PLXNB1: variants seen among roughly 807,000 people sequenced by gnomAD.
PLXNB1 encodes the protein plexin-B1.
A neutral mutation model predicts 209.4 loss-of-function variants in PLXNB1; 106 were observed. The observed-to-expected ratio is 0.51, with a 90% CI of 0.43 to 0.59. The LOEUF (loss-of-function observed/expected upper bound fraction) is 0.59. PLXNB1 is among the 20% of genes least tolerant of loss of function. The probability of loss-of-function intolerance (pLI) is 0.00; values close to 1 mark genes in which losing one functional copy is unlikely to be tolerated. For synonymous variants in PLXNB1, 1,167 were observed against 1,183.2 expected (o/e 0.99, Z 0.28); for missense variants, 2,357 against 2,853.2 (o/e 0.83, Z 3.96).
chr3:48,408,014 GTTT>G (rs1362170690), intron 34 of PLXNB1, among the ~76,000 whole-genome samples: 1 of 152,146 alleles, frequency 6.6e-6, no homozygotes. Context: ...TTCCGTTTTT[GTTT>G]TTGTTTTCAG....
At chr3:48,428,789 T>C (rs1028565164) in intron 1 of PLXNB1, among the ~76,000 whole-genome samples, 1 of 152,078 alleles carries the variant, frequency 6.6e-6, no homozygotes, top group African/African-American at 2.4e-5. Context: ...CCACTTAATA[T>C]GTCTGTGTGT....
rs1412190400 is a variant in PLXNB1 at position 48,417,485 on chromosome 3, G to A, written c.3374+426C>T. ...CTCGGCCAGTGTGCCTTTCTGAGGTGTGCCTTCCAAGTCTACCTTCCTGAA... is the reference window on the plus strand; with the variant it reads ...CTCGGCCAGTGTGCCTTTCTGAGGTATGCCTTCCAAGTCTACCTTCCTGAA... On this transcript the variant is annotated intron_variant, in intron 16 of 37. Transcript: ENST00000296440. The surrounding 1 kb of genome is among the most constrained non-coding windows in gnomAD (Gnocchi z 4.4). Among the ~76,000 whole-genome samples, 1 of 152,226 alleles carries A rather than the reference G, an allele frequency of 6.6e-6. No homozygotes were observed. Among genetic ancestry groups the A allele is most frequent in the Non-Finnish European group, 1.5e-5 (1 of 68,046 alleles).
Position 48,421,285 on chromosome 3 carries a change from C to G in PLXNB1, c.1753G>C (p.Gly585Arg). Residue 585 changes from glycine to arginine, a missense_variant, in exon 8 of 38, where the codon GGT (glycine) becomes CGT (arginine). Gly to Arg is a moderately radical substitution (Grantham distance 125, BLOSUM62 -2). This residue lies in a region of PLXNB1 where 214 missense variants were observed against 297.1 expected (regional missense o/e 0.72). Transcript: ENST00000296440. ...GGGTCTGGGGAGGGGCACATCACAC[C>G]AGAACCAGTCAGCAGGGCAGGACTC... ...HQSPALLTGS[G>R]VMCPSPDPSE... is the part of the protein sequence containing the mutation. 6.2e-7 allele frequency: 1 copy of G among 1,610,228 alleles called. No individual in the cohort carries two copies.
chr3:48,423,663 C>T lies in PLXNB1; in HGVS notation c.949G>A (p.Gly317Arg), dbSNP rs368760694. ...RPPSAAAGAS[G>R]ASALCAFPLD... ...GGGAAGGCACAGAGGGCAGAGGCTCCAGATGCCCCAGCAGCCGCCGATGGG... is the reference window on the plus strand; with the variant it reads ...GGGAAGGCACAGAGGGCAGAGGCTCTAGATGCCCCAGCAGCCGCCGATGGG... Residue 317 changes from glycine (G) to arginine (R), a missense_variant, in exon 3 of 38, where the codon GGA (glycine) becomes AGA (arginine). By Grantham distance (125) the Gly-to-Arg change is moderately radical. Transcript: ENST00000296440. 56 of 1,613,700 alleles carry T rather than the reference C, an allele frequency of 3.5e-5. No homozygotes were observed. Among genetic ancestry groups the T allele is most frequent in the Admixed American group, 1.7e-4 (10 of 60,032 alleles).
chr3:48,425,406 C>G (rs1409377144), intron 1 of PLXNB1, 73 bp from the exon 2 acceptor site: 1 of 152,138 alleles, frequency 6.6e-6, no homozygotes, highest in Non-Finnish European at 1.5e-5. Context: ...GGCTCCCCAC[C>G]GGGGAGGCAG....
Position 48,423,975 on chromosome 3 carries a change from C to T in PLXNB1, c.637G>A (p.Glu213Lys), listed in dbSNP as rs1181925738. The stretch of plus-strand genomic sequence containing the variant: ...GCACTCACGAAGTGGTGGCTGTACT[C>T]GGAGAGGCGGCCCACTGCCAGCTTG... ...TAKLAVGRLS[E>K]YSHHFVSAFA... The change falls in exon 3 of 38, where the codon GAG becomes AAG. Residue 213 changes from glutamate to lysine, a missense_variant. Physicochemically the swap from Glu to Lys is moderately conservative, Grantham distance 56. This residue lies in a region of PLXNB1 where 404 missense variants were observed against 443.6 expected (regional missense o/e 0.91). Transcript: ENST00000296440. The T allele has an allele frequency of 5.0e-6, 8 of 1,613,568 alleles. No homozygotes were observed. Among genetic ancestry groups the T allele is most frequent in the African/African-American group, 1.3e-5 (1 of 74,942 alleles).
In PLXNB1 at chr3:48,412,790, C is replaced by A. The variant is rs887106682; in HGVS notation, c.4806G>T (p.Gly1602=). 6 of 1,613,532 alleles carry A rather than the reference C, an allele frequency of 3.7e-6. No homozygotes were observed. The African/African-American group carries it at 6.7e-5, about 18-fold the overall frequency. Residue 1602 remains glycine (G), a synonymous_variant, in exon 25 of 38, where the codon GGG becomes GGT. Transcript: ENST00000296440. ...PESRRPTVEQ[G]LGQLSNLLNS... is the part of the protein sequence containing the mutation. Reference sequence around the variant, plus strand: ...TGAGCAGGTTAGAGAGCTGCCCCAGCCCTTGCTCCACAGTGGGCCGTCTGC... The same window carrying A: ...TGAGCAGGTTAGAGAGCTGCCCCAGACCTTGCTCCACAGTGGGCCGTCTGC...
At position 48,415,997 on chromosome 3, in the gene PLXNB1, A is replaced by G. The variant is rs371961781; in HGVS notation, c.3617+34T>C. On this transcript the variant is annotated intron_variant, in intron 18 of 37. Coordinates refer to ENST00000296440, the MANE Select transcript of PLXNB1 (RefSeq NM_001130082.3). The surrounding 1 kb of genome is among the most constrained non-coding windows in gnomAD (Gnocchi z 5.0). ...CCCCTCCATCTTTCCCCTGGAGCAG[A>G]TGGATTTTTGCAGGATGAGGAAGTG... 1.9e-6 allele frequency: 3 copies of G among 1,589,852 alleles called. No individual in the cohort carries two copies. In the African/African-American group the frequency reaches 4.0e-5, roughly 21 times the overall value.
At position 48,416,748 on chromosome 3, in the gene PLXNB1, G is replaced by A; in HGVS notation, c.3375-297C>T. ...AAAGGGGCCCTGTCAGCCTGGTTGTGGGGCGAGCTGCTGAGCAAGTGAGTG... is the reference window on the plus strand; with the variant it reads ...AAAGGGGCCCTGTCAGCCTGGTTGTAGGGCGAGCTGCTGAGCAAGTGAGTG... On this transcript the variant is annotated intron_variant, in intron 16 of 37. Coordinates refer to ENST00000296440, the MANE Select transcript of PLXNB1 (RefSeq NM_001130082.3). This position sits in a 1 kb window ranked among gnomAD's most constrained non-coding sequence, Gnocchi z 4.1. 1 of 267,916 alleles carries A rather than the reference G, an allele frequency of 3.7e-6. No individual in the cohort carries two copies. Among genetic ancestry groups the A allele is most frequent in the Non-Finnish European group, 7.0e-6 (1 of 143,364 alleles). The allele number at this position is 267,916 out of a possible 1,614,324, so 16.6% of individuals were successfully genotyped here. A position where few individuals can be genotyped will look rare whatever the true frequency, so the allele number is the denominator to read the frequency against.
At position 48,415,244 on chromosome 3, in the gene PLXNB1, G is replaced by C. The variant is rs1041744329; in HGVS notation, c.3898C>G (p.Leu1300Val). 1 of 1,613,558 alleles carries C rather than the reference G, an allele frequency of 6.2e-7. No individual in the cohort carries two copies. The highest frequency in any genetic ancestry group is 1.7e-5 in the Admixed American group (1 of 60,026). The change falls in exon 20 of 38, where the codon CTT becomes GTT. Residue 1300 changes from leucine (L) to valine (V), a missense_variant. This residue lies in a region of PLXNB1 where 743 missense variants were observed against 896.2 expected (regional missense o/e 0.83). Coordinates refer to ENST00000296440, the MANE Select transcript of PLXNB1 (RefSeq NM_001130082.3). The surrounding 1 kb of genome is among the most constrained non-coding windows in gnomAD (Gnocchi z 5.0). The part of the protein sequence containing the change: ...VSRMLQPSQG[L>V]GRRRRVVPET... ...GGGACCACGCGACGCCTCCGTCCAA[G>C]CCCCTGGCTGGGCTGCAGCATTCTC...
rs573015902 is a variant in PLXNB1, at chr3:48,406,491, T to C, written c.6228+332A>G. ...ATGGGAGAGGTGAAGGGGACACCTG[T>C]GCCACCAAGGGAAGCACAGCAGTGG... On this transcript the variant is annotated intron_variant, in intron 36 of 37. Transcript: ENST00000296440. The surrounding 1 kb of genome is among the most constrained non-coding windows in gnomAD (Gnocchi z 4.4). 59 of 785,850 alleles carry C rather than the reference T, an allele frequency of 7.5e-5. No homozygotes were observed. The African/African-American group carries it at 9.7e-4, about 13-fold the overall frequency. 48.7% of individuals were successfully genotyped at this position (785,850 alleles called of 1,614,324 possible).
Position 48,412,548 on chromosome 3 carries a change from C to T in PLXNB1, c.4927G>A (p.Val1643Met). ...DRAYVASLLT[V>M]ALHGKLEYFT... is the part of the protein sequence containing the mutation. ...TACTCAAGCTTCCCATGCAGTGCCA[C>T]GGTGAGCAGAGATGCCACGTAGGCA... Residue 1643 changes from valine (V) to methionine (M), a missense_variant, in exon 26 of 38, where the codon GTG becomes ATG. Val to Met is a conservative substitution (Grantham distance 21). This residue lies in a region of PLXNB1 where 743 missense variants were observed against 896.2 expected (regional missense o/e 0.83). Transcript: ENST00000296440. 3 of 1,613,648 alleles carry T rather than the reference C, an allele frequency of 1.9e-6. No individual in the cohort carries two copies. Among genetic ancestry groups the T allele is most frequent in the Non-Finnish European group, 2.5e-6 (3 of 1,180,030 alleles).
chr3:48,420,589 C>A, intron 10 of PLXNB1, 76 bp downstream of exon 10: 1 of 1,199,668 alleles, frequency 8.3e-7, no homozygotes, highest in African/African-American at 1.5e-5. Context: ...GGCAGACAGA[C>A]CCCGGGCCAT....
rs2037570589 is a variant in PLXNB1 at position 48,410,092 on chromosome 3, C to T, written c.5606-15G>A. On this transcript the variant is annotated splice_polypyrimidine_tract_variant and intron_variant, in intron 31 of 37. Transcript: ENST00000296440. This position sits in a 1 kb window ranked among gnomAD's most constrained non-coding sequence, Gnocchi z 6.4. Reference sequence around the variant, plus strand: ...CATTGGGGTCCCTGTGCCAAGAGCCCACAGCTGTCACCCCTCCCCAGGTGC... The same window carrying T: ...CATTGGGGTCCCTGTGCCAAGAGCCTACAGCTGTCACCCCTCCCCAGGTGC... The T allele has an allele frequency of 6.4e-7, 1 of 1,563,754 alleles. No homozygotes were observed. Among genetic ancestry groups the T allele is most frequent in the Non-Finnish European group, 8.7e-7 (1 of 1,150,690 alleles).
Position 48,409,982 on chromosome 3 carries a change from C to T in PLXNB1, c.5701G>A (p.Gly1901Ser), listed in dbSNP as rs531390276. The T allele has an allele frequency of 3.7e-6, 6 of 1,612,676 alleles. No individual in the cohort carries two copies. The East Asian group carries it at 8.9e-5, about 24-fold the overall frequency. Residue 1901 changes from glycine (G) to serine (S), a missense_variant, in exon 32 of 38, where the codon GGC becomes AGC. Around this residue, in one of 7 missense-constraint regions of PLXNB1, gnomAD observed 414 missense variants for 520.5 expected, o/e 0.80. Transcript: ENST00000296440. The surrounding 1 kb of genome is among the most constrained non-coding windows in gnomAD (Gnocchi z 5.8). ...DEPEPPRPRRGSLRGGERERA... is the reference protein window; with the variant it reads ...DEPEPPRPRRSSLRGGERERA... ...TCACGCTCCCCGCCCCGAAGGCTGCCCCTCCGAGGCCTGGGCGGCTCCGGC... is the reference window on the plus strand; with the variant it reads ...TCACGCTCCCCGCCCCGAAGGCTGCTCCTCCGAGGCCTGGGCGGCTCCGGC...
chr3:48,417,405 C>T lies in PLXNB1; in HGVS notation c.3374+506G>A, dbSNP rs989108227. ...CAACCGCTGGCCAGGTTACCATAACCCAGGAGCCCCAGGAAGGCAGCAGGG... is the reference window on the plus strand; with the variant it reads ...CAACCGCTGGCCAGGTTACCATAACTCAGGAGCCCCAGGAAGGCAGCAGGG... On this transcript the variant is annotated intron_variant, in intron 16 of 37. Coordinates refer to ENST00000296440, the MANE Select transcript of PLXNB1 (RefSeq NM_001130082.3). This position sits in a 1 kb window ranked among gnomAD's most constrained non-coding sequence, Gnocchi z 4.4. Among the ~76,000 whole-genome samples, 4 of 152,210 alleles carry T rather than the reference C, an allele frequency of 2.6e-5. No individual in the cohort carries two copies. In the East Asian group the frequency reaches 7.7e-4, roughly 29 times the overall value.
At chr3:48,412,216 C>G (rs1359904372) in intron 27 of PLXNB1, 22 bp downstream of exon 27, 1 of 1,612,600 alleles carries the variant, frequency 6.2e-7, no homozygotes, top group African/African-American at 1.3e-5. Context: ...GACAGGAGCC[C>G]TGTCCACCTC....
chr3:48,412,830 A>C lies in PLXNB1; in HGVS notation c.4766T>G (p.Leu1589Arg), dbSNP rs1466610892. The change falls in exon 25 of 38, where the codon CTG (leucine) becomes CGG (arginine). Residue 1589 changes from leucine (L) to arginine (R), a missense_variant. Coordinates refer to ENST00000296440, the MANE Select transcript of PLXNB1 (RefSeq NM_001130082.3). ...GHRESPLHRD[L>R]GVPESRRPTV... is the part of the protein sequence containing the mutation. The stretch of plus-strand genomic sequence containing the variant: ...GGGCCGTCTGCTCTCAGGCACACCC[A>C]GGTCCCGGTGCAAGGGCGACTCGCG... The C allele has an allele frequency of 1.9e-6, 3 of 1,613,634 alleles. No individual in the cohort carries two copies.
chr3:48,409,140 G>A lies in PLXNB1; in HGVS notation c.6087+189C>T, dbSNP rs1489153028. ...TGCACACAACTTCACCTGTGAATTGGCACACAGTGTCCCCTCCTCTTGCTC... is the reference window on the plus strand; with the variant it reads ...TGCACACAACTTCACCTGTGAATTGACACACAGTGTCCCCTCCTCTTGCTC... On this transcript the variant is annotated intron_variant, in intron 34 of 37. Transcript: ENST00000296440. This position sits in a 1 kb window ranked among gnomAD's most constrained non-coding sequence, Gnocchi z 5.8. Among the ~76,000 whole-genome samples the A allele has an allele frequency of 6.6e-6, 1 of 152,178 alleles. No individual in the cohort carries two copies. Among genetic ancestry groups the A allele is most frequent in the African/African-American group, 2.4e-5 (1 of 41,434 alleles).
Sources: allele counts gnomAD v4.1 joint callset (sites outside exome capture counted in the v4.1 genomes callset), GRCh38; gene constraint gnomAD v4.1.1; regional missense constraint gnomAD v4.1.1; non-coding constraint Gnocchi (gnomAD v3.1); transcripts MANE v1.5; gene names NCBI Gene and HGNC (gene_info 2026-07-23, HGNC 2026-07-21).